Variants in SKAP2 observed in about 807,000 individuals in gnomAD.
SKAP2 encodes the protein src kinase-associated phosphoprotein 2.
SKAP2 carries 28 observed loss-of-function variants against 54.9 expected under a neutral mutation model. The observed-to-expected ratio is 0.51, with a 90% CI of 0.38 to 0.70. SKAP2 has a LOEUF of 0.70. SKAP2 is among the 30% of genes least tolerant of loss of function. The probability of loss-of-function intolerance (pLI) is 0.00; values close to 1 mark genes in which losing one functional copy is unlikely to be tolerated. For missense variants in SKAP2, 356 were observed against 424.1 expected (o/e 0.84, Z 1.41); for synonymous variants, 137 against 134.3 (o/e 1.02, Z -0.14).
chr7:26,819,839 G>A (rs549746660), intron 4 of SKAP2, among the ~76,000 whole-genome samples: 1 of 152,026 alleles, frequency 6.6e-6, no homozygotes, highest in Non-Finnish European at 1.5e-5. Flanking sequence ...ATGGCATGTG[G>A]AATTTGATTC....
intron 10 of SKAP2, among the ~76,000 whole-genome samples, chr7:26,685,090 A>C (rs1388595165): frequency 6.6e-6 from 1 of 152,138 alleles, no homozygotes; most frequent in Non-Finnish European, 1.5e-5. Flanking sequence ...CTTTCATCTA[A>C]AATCTGTAAT....
At chr7:26,721,627 C>T (rs1467907964) in intron 9 of SKAP2, among the ~76,000 whole-genome samples, 1 of 152,168 alleles carries the variant, frequency 6.6e-6, no homozygotes, top group Non-Finnish European at 1.5e-5. Context: ...CTCCTCCAGT[C>T]CACTTGCCAG....
intron 4 of SKAP2, among the ~76,000 whole-genome samples, chr7:26,785,292 T>A (rs2127979573): frequency 6.6e-6 from 1 of 152,134 alleles, no homozygotes; most frequent in Admixed American, 6.5e-5. Context: ...GTTCACACCA[T>A]TCTCCTGCCT....
chr7:26,840,304 T>A lies in SKAP2; in HGVS notation c.307+3726A>T, dbSNP rs571309642. ...GATTTGTAACATACATCTACTGGGA[T>A]CCTTCGACCTATCGTCGAGGGGCAG... On this transcript the variant is annotated intron_variant, in intron 4 of 12. Transcript: ENST00000345317. 1.3e-4 allele frequency among the ~76,000 whole-genome samples: 20 copies of A among 152,266 alleles called. 1 individual carries two copies. The highest frequency in any genetic ancestry group is 1.1e-3 in the Admixed American group (17 of 15,264).
chr7:26,807,866 T>C (rs2127986881), intron 4 of SKAP2, among the ~76,000 whole-genome samples: 1 of 86,480 alleles, frequency 1.2e-5, no homozygotes, highest in South Asian at 6.2e-4. Flanking sequence ...GGTAAGATGA[T>C]TGTTAGCACT....
chr7:26,839,241 A>G lies in SKAP2; in HGVS notation c.307+4789T>C, dbSNP rs1346908391. Among the ~76,000 whole-genome samples the G allele has an allele frequency of 3.3e-5, 5 of 152,182 alleles. No homozygotes were observed. In the South Asian group the frequency reaches 8.3e-4, roughly 25 times the overall value. ...TACATCTGTGTACTTTATATCCCCA[A>G]TTGCACAATATATACCTTGAGGATT... On this transcript the variant is annotated intron_variant, in intron 4 of 12. Transcript: ENST00000345317.
At chr7:26,660,789 C>T in the SKAP2 span, among the ~76,000 whole-genome samples, 2 of 152,100 alleles carry the variant, frequency 1.3e-5, no homozygotes, top group African/African-American at 4.8e-5. Flanking sequence ...CACAATGTGT[C>T]TATTTTTTAA....
intron 11 of SKAP2, among the ~76,000 whole-genome samples, chr7:26,681,841 C>A (rs1216692271): frequency 6.6e-6 from 1 of 152,002 alleles, no homozygotes. Context: ...ATATTTAATT[C>A]AGAATGATGA....
chr7:26,815,034 T>G (rs1784236653), intron 4 of SKAP2, among the ~76,000 whole-genome samples: 1 of 152,058 alleles, frequency 6.6e-6, no homozygotes, highest in African/African-American at 2.4e-5. Context: ...TTTTAAATTG[T>G]TATGAATGTC....
intron 2 of SKAP2, 69 bp downstream of exon 2, chr7:26,854,716 C>A (rs1277435347): frequency 1.4e-6 from 2 of 1,428,776 alleles, no homozygotes; most frequent in Non-Finnish European, 1.9e-6. Flanking sequence ...TAATCGATTT[C>A]TTATTAAAAT....
rs981689063 is a variant in SKAP2 at position 26,787,496 on chromosome 7, G to A, written c.308-47532C>T. Among the ~76,000 whole-genome samples the A allele has an allele frequency of 3.9e-5, 6 of 151,944 alleles. No individual in the cohort carries two copies. The East Asian group carries it at 1.2e-3, about 29-fold the overall frequency. On this transcript the variant is annotated intron_variant, in intron 4 of 12. Coordinates refer to ENST00000345317, the MANE Select transcript of SKAP2 (RefSeq NM_003930.5). ...CACCACCCACGCCTGGCTAATTTTT[G>A]TATTTTTAGTGGAGATGGGGTTTCA...
intron 9 of SKAP2, among the ~76,000 whole-genome samples, chr7:26,708,435 A>T (rs1247503890): frequency 1.3e-5 from 2 of 152,122 alleles, no homozygotes; most frequent in Admixed American, 1.3e-4. Flanking sequence ...TTTTCTTATT[A>T]ACTCTTTCTT....
rs1421534614 is a variant in SKAP2, at chr7:26,742,113, T to C, written c.308-2149A>G. Reference sequence around the variant, plus strand: ...ATATAAAGGTATAAATTATTTATTATAGGATTTTGTACATAAAACAAAAAT... The same window carrying C: ...ATATAAAGGTATAAATTATTTATTACAGGATTTTGTACATAAAACAAAAAT... On this transcript the variant is annotated intron_variant, in intron 4 of 12. Transcript: ENST00000345317. Among the ~76,000 whole-genome samples, 6 of 152,192 alleles carry C rather than the reference T, an allele frequency of 3.9e-5. No homozygotes were observed. The East Asian group carries it at 7.7e-4, about 20-fold the overall frequency.
At chr7:26,773,661 T>A (rs1331573211) in intron 4 of SKAP2, among the ~76,000 whole-genome samples, 1 of 152,208 alleles carries the variant, frequency 6.6e-6, no homozygotes. Context: ...GCATGAGTCA[T>A]TATTCAATGA....
chr7:26,720,220 C>T (rs548094515), intron 9 of SKAP2, among the ~76,000 whole-genome samples: 1 of 152,242 alleles, frequency 6.6e-6, no homozygotes, highest in South Asian at 2.1e-4. Context: ...TATCTCACCA[C>T]CAGTGGAAAT....
chr7:26,836,190 A>T (rs1784706845), intron 4 of SKAP2, among the ~76,000 whole-genome samples: 1 of 152,180 alleles, frequency 6.6e-6, no homozygotes, highest in South Asian at 2.1e-4. Context: ...ACAAAAATTA[A>T]CTCAAGTTGG....
intron 11 of SKAP2, among the ~76,000 whole-genome samples, chr7:26,671,336 T>C (rs1777949289): frequency 6.6e-6 from 1 of 152,076 alleles, no homozygotes; most frequent in Non-Finnish European, 1.5e-5. Flanking sequence ...ATCTGAGTCA[T>C]AGATAAATGT....
At chr7:26,831,981 T>G (rs868005676) in intron 4 of SKAP2, among the ~76,000 whole-genome samples, 6 of 152,146 alleles carry the variant, frequency 3.9e-5, no homozygotes, top group Non-Finnish European at 7.4e-5. Context: ...CCCTTGTCCC[T>G]CATTCCCTTA....
intron 11 of SKAP2, among the ~76,000 whole-genome samples, chr7:26,681,252 C>A (rs1786486938): frequency 6.6e-6 from 1 of 152,118 alleles, no homozygotes; most frequent in African/African-American, 2.4e-5. Flanking sequence ...GAGTTCGAGA[C>A]CAGCCTGACC....
Sources: gnomAD v4.1 joint callset for allele counts (sites outside exome capture counted in the v4.1 genomes callset) on GRCh38, gnomAD v4.1.1 for gene constraint, MANE v1.5 for transcripts, NCBI Gene and HGNC (gene_info 2026-07-23, HGNC 2026-07-21) for gene names.